The following ATE1 variants were observed in gnomAD, a reference collection of about 807,000 sequenced individuals.
ATE1 encodes arginyltransferase 1.
A neutral mutation model predicts 70.5 loss-of-function variants in ATE1; 36 were observed. That is an observed-to-expected ratio of 0.51 (90% CI 0.39 to 0.67). The LOEUF is 0.67. Ranked by LOEUF, ATE1 falls within the 30% of genes least tolerant of loss-of-function variation. The pLI is 0.00. For synonymous variants in ATE1, 232 were observed against 219.3 expected (o/e 1.06, Z -0.51); for missense variants, 593 against 629.5 (o/e 0.94, Z 0.62).
At position 121,799,873 on chromosome 10, in the gene ATE1, GA is replaced by G. The variant is rs965623770; in HGVS notation, c.1258-9585del. The stretch of plus-strand genomic sequence containing the variant: ...TTACAATTGAATATACAATTCATCA[GA>G]AATAAAAGAAAAACCTATTATTTAC... On this transcript the variant is annotated intron_variant, in intron 10 of 11. Transcript: ENST00000224652. Among the ~76,000 whole-genome samples, 19 of 152,068 alleles carry G rather than the reference GA, an allele frequency of 1.2e-4. No homozygotes were observed. The East Asian group carries it at 2.5e-3, about 20-fold the overall frequency.
rs1195285468 is a variant in ATE1, at chr10:121,910,767, A to G, written c.583+139T>C. ...TGATTTGTCCATCTAATTCTAGGCAATAATAAACAAAGCAGGGTTCTGTTT... is the reference window on the plus strand; with the variant it reads ...TGATTTGTCCATCTAATTCTAGGCAGTAATAAACAAAGCAGGGTTCTGTTT... On this transcript the variant is annotated intron_variant, in intron 5 of 11. Coordinates refer to ENST00000224652, the MANE Select transcript of ATE1 (RefSeq NM_001001976.3). 4 of 1,122,608 alleles carry G rather than the reference A, an allele frequency of 3.6e-6. No individual in the cohort carries two copies. The African/African-American group carries it at 4.8e-5, about 13-fold the overall frequency. 69.5% of individuals were successfully genotyped at this position (1,122,608 alleles called of 1,614,324 possible).
intron 10 of ATE1, among the ~76,000 whole-genome samples, chr10:121,826,940 A>C (rs1258269183): frequency 6.6e-6 from 1 of 152,150 alleles, no homozygotes; most frequent in African/African-American, 2.4e-5. Flanking sequence ...CAAAGTACAT[A>C]ATTTCATTCT....
Position 121,743,579 on chromosome 10 carries a change from A to T in ATE1, c.*101T>A. ...TAGATAGTCAAAATAAAAAATGTCT[A>T]ATTTGTGGGTGGTGACAGTTATTTC... is the stretch of plus-strand genomic sequence containing the variant. On this transcript the variant is annotated 3_prime_UTR_variant, in exon 12 of 12. Transcript: ENST00000224652. The T allele has an allele frequency of 1.4e-6, 2 of 1,391,362 alleles. No homozygotes were observed. Among genetic ancestry groups the T allele is most frequent in the Non-Finnish European group, 1.9e-6 (2 of 1,075,358 alleles). 86.2% of individuals were successfully genotyped at this position (1,391,362 alleles called of 1,614,324 possible).
chr10:121,875,756 C>T (rs1226507886), intron 7 of ATE1, among the ~76,000 whole-genome samples: 1 of 152,140 alleles, frequency 6.6e-6, no homozygotes, highest in Non-Finnish European at 1.5e-5. Flanking sequence ...AGCGGCCTCA[C>T]CTCCCCTTCC....
intron 11 of ATE1, among the ~76,000 whole-genome samples, chr10:121,781,782 CCTT>C (rs1442402431): frequency 2.0e-5 from 3 of 152,094 alleles, no homozygotes; most frequent in Non-Finnish European, 4.4e-5. Flanking sequence ...GTCAACATGC[CCTT>C]CTTATTTTCA....
intron 10 of ATE1, among the ~76,000 whole-genome samples, chr10:121,791,167 C>T (rs1429418485): frequency 1.3e-5 from 2 of 150,832 alleles, no homozygotes; most frequent in African/African-American, 4.9e-5. Context: ...AATCTTGGCT[C>T]ACTGCAACAT....
At chr10:121,920,265 C>T (rs1184793748) in intron 3 of ATE1, among the ~76,000 whole-genome samples, 1 of 151,794 alleles carries the variant, frequency 6.6e-6, no homozygotes, top group Non-Finnish European at 1.5e-5. Context: ...GCAGGAGGCT[C>T]CTTTGAGCCT....
intron 7 of ATE1, among the ~76,000 whole-genome samples, chr10:121,877,466 G>A (rs1365409149): frequency 6.6e-6 from 1 of 151,958 alleles, no homozygotes; most frequent in African/African-American, 2.4e-5. Context: ...TAGGTATGGA[G>A]TATAGTTATT....
At chr10:121,852,582 G>A (rs576336631) in intron 8 of ATE1, among the ~76,000 whole-genome samples, 2 of 151,992 alleles carry the variant, frequency 1.3e-5, no homozygotes, top group African/African-American at 2.4e-5. Context: ...ATGGTGGCAG[G>A]TGTCTGTAAT....
At chr10:121,781,566 G>A (rs780087276) in intron 11 of ATE1, among the ~76,000 whole-genome samples, 4 of 152,044 alleles carry the variant, frequency 2.6e-5, no homozygotes, top group Non-Finnish European at 5.9e-5. Flanking sequence ...TCCTTCCCTG[G>A]TTTATTCTCC....
intron 11 of ATE1, among the ~76,000 whole-genome samples, chr10:121,776,844 A>G (rs527339759): frequency 1.0e-3 from 155 of 152,372 alleles, no homozygotes; most frequent in South Asian, 3.1e-3. Context: ...TATTCTACGC[A>G]TGACCTCACC....
At chr10:121,786,598 G>A (rs1946222808) in intron 11 of ATE1, among the ~76,000 whole-genome samples, 1 of 151,884 alleles carries the variant, frequency 6.6e-6, no homozygotes, top group Non-Finnish European at 1.5e-5. Flanking sequence ...GAGCCCTGGA[G>A]GCAGAGGCTG....
intron 8 of ATE1, among the ~76,000 whole-genome samples, chr10:121,859,056 T>C (rs571581439): frequency 3.3e-5 from 5 of 151,528 alleles, no homozygotes; most frequent in East Asian, 3.9e-4. Context: ...GATCGCACCA[T>C]TGCACTCCAG....
intron 11 of ATE1, among the ~76,000 whole-genome samples, chr10:121,780,459 T>C (rs1408606655): frequency 1.3e-5 from 2 of 152,200 alleles, no homozygotes; most frequent in Non-Finnish European, 2.9e-5. Context: ...CATCTTTTGC[T>C]CAGATTACTG....
At chr10:121,894,540 G>A (rs1950702109) in intron 7 of ATE1, among the ~76,000 whole-genome samples, 1 of 152,154 alleles carries the variant, frequency 6.6e-6, no homozygotes. Flanking sequence ...ATACATAAGA[G>A]ACTTGTACCC....
chr10:121,825,211 G>A (rs1429081233), intron 10 of ATE1, among the ~76,000 whole-genome samples: 3 of 152,000 alleles, frequency 2.0e-5, no homozygotes, highest in Non-Finnish European at 4.4e-5. Flanking sequence ...AATAAAGTAA[G>A]GTTAATATGA....
chr10:121,804,051 A>G (rs1946998690), intron 10 of ATE1, among the ~76,000 whole-genome samples: 1 of 152,222 alleles, frequency 6.6e-6, no homozygotes, highest in Non-Finnish European at 1.5e-5. Context: ...AAGTTAATGT[A>G]ACAGCTTTTG....
At chr10:121,912,646 C>T (rs540687127) in intron 4 of ATE1, among the ~76,000 whole-genome samples, 2 of 151,810 alleles carry the variant, frequency 1.3e-5, no homozygotes, top group African/African-American at 2.4e-5. Context: ...AGCAAGACTC[C>T]GTCTCCAAAA....
intron 9 of ATE1, 67 bp downstream of exon 9, chr10:121,841,015 T>G: frequency 7.9e-7 from 1 of 1,270,636 alleles, no homozygotes; most frequent in Admixed American, 2.8e-5. Flanking sequence ...TAATTAAATA[T>G]AATCAAATGA....
Sources: allele counts gnomAD v4.1 joint callset (sites outside exome capture counted in the v4.1 genomes callset), GRCh38; gene constraint gnomAD v4.1.1; transcripts MANE v1.5; gene names NCBI Gene and HGNC (gene_info 2026-07-23, HGNC 2026-07-21).